The following SMARCA1 variants were observed in gnomAD, a reference collection of about 807,000 sequenced individuals.
SMARCA1 encodes SWI/SNF-related matrix-associated actin-dependent regulator of chromatin subfamily A member 1.
Under a neutral mutation model 93.6 loss-of-function variants are expected in SMARCA1, and 17 were observed. That is an observed-to-expected ratio of 0.18 (90% CI 0.12 to 0.27). SMARCA1 has a LOEUF of 0.27. SMARCA1 is among the 10% of genes least tolerant of loss of function. The probability of loss-of-function intolerance (pLI) is 1.00; values close to 1 mark genes in which losing one functional copy is unlikely to be tolerated. For missense variants in SMARCA1, 630 were observed against 819.0 expected, an observed-to-expected ratio of 0.77 and a Z score of 2.82; for synonymous variants, 271 against 271.4, an observed-to-expected ratio of 1.00 and a Z score of 0.01.
rs1321588128 is a variant in SMARCA1, at chrX:129,511,975, C to T, written c.639G>A (p.Gly213=). 8.4e-7 allele frequency: 1 copy of T among 1,192,972 alleles called. No homozygotes were observed. The highest frequency in any genetic ancestry group is 3.0e-5 in the East Asian group (1 of 33,426). The change falls in exon 6 of 25, where the codon GGG becomes GGA. Residue 213 remains glycine (G), a synonymous_variant. Coordinates refer to ENST00000371121, the MANE Select transcript of SMARCA1 (RefSeq NM_001282874.2). Reference sequence around the variant, plus strand: ...GCAAAGCAATTGTTTGTAAAGTTTTCCCAAGGCCCTGCATTATCATCACAA... The same window carrying T: ...GCAAAGCAATTGTTTGTAAAGTTTTTCCAAGGCCCTGCATTATCATCACAA... The part of the protein sequence containing the change: ...NGILADEMGL[G]KTLQTIALLG...
intron 23 of SMARCA1, among the ~76,000 whole-genome samples, chrX:129,450,900 T>C (rs1169980072): frequency 7.3e-5 from 8 of 109,859 alleles, no homozygotes; most frequent in Non-Finnish European, 1.9e-5. Flanking sequence ...CCAAATAAAA[T>C]CCAAAAAAAA....
chrX:129,470,470 T>G (rs1463532507), intron 20 of SMARCA1, among the ~76,000 whole-genome samples: 2 of 111,871 alleles, frequency 1.8e-5, no homozygotes, highest in East Asian at 5.5e-4. Context: ...TAAAAAGAAT[T>G]TTGAAAATTA....
chrX:129,503,065 GTCT>G (rs1190361446), intron 9 of SMARCA1, among the ~76,000 whole-genome samples: 2 of 111,891 alleles, frequency 1.8e-5, no homozygotes, highest in African/African-American at 6.5e-5. Flanking sequence ...CCTACCTAAT[GTCT>G]TCTTTTTTCT....
intron 17 of SMARCA1, 66 bp from the exon 18 acceptor site, chrX:129,481,251 A>G: frequency 3.0e-6 from 2 of 668,553 alleles, no homozygotes; most frequent in African/African-American, 4.3e-5. Context: ...AAAATCAAGT[A>G]CATCGAGGCT....
At chrX:129,518,103 C>T (rs1463944451) in intron 2 of SMARCA1, among the ~76,000 whole-genome samples, 1 of 111,268 alleles carries the variant, frequency 9.0e-6, no homozygotes, top group Admixed American at 9.5e-5. Context: ...ACAGAGAGCA[C>T]CGAACCAAAA....
At chrX:129,481,815 G>A (rs1933676341) in intron 17 of SMARCA1, among the ~76,000 whole-genome samples, 1 of 111,120 alleles carries the variant, frequency 9.0e-6, no homozygotes, top group African/African-American at 3.3e-5. Context: ...ATTTGACCCA[G>A]CCATCCCATT....
intron 17 of SMARCA1, among the ~76,000 whole-genome samples, chrX:129,481,844 G>A (rs935034859): frequency 9.0e-6 from 1 of 110,721 alleles, no homozygotes; most frequent in Non-Finnish European, 1.9e-5. Flanking sequence ...TATACCCAAA[G>A]GAATATAAAT....
chrX:129,522,325 A>G (rs1419554246), intron 1 of SMARCA1, among the ~76,000 whole-genome samples: 1 of 110,032 alleles, frequency 9.1e-6, no homozygotes, highest in Admixed American at 9.6e-5. Flanking sequence ...GGAGAAAAAA[A>G]AAAAAAACCT....
intron 12 of SMARCA1, 119 bp downstream of exon 12, chrX:129,496,631 T>A: frequency 9.3e-6 from 5 of 535,598 alleles, no homozygotes; most frequent in Non-Finnish European, 1.5e-5. Flanking sequence ...GAGATGCTAA[T>A]GAGAAATTCA....
chrX:129,509,520 A>C (rs1229647530), intron 6 of SMARCA1, among the ~76,000 whole-genome samples: 1 of 112,134 alleles, frequency 8.9e-6, no homozygotes, highest in Non-Finnish European at 1.9e-5. Flanking sequence ...CCTTATCCTT[A>C]TTTGATTTTG....
At chrX:129,453,511 G>C (rs756827281) in intron 23 of SMARCA1, among the ~76,000 whole-genome samples, 1 of 112,158 alleles carries the variant, frequency 8.9e-6, no homozygotes, top group Non-Finnish European at 1.9e-5. Context: ...CAAATTGTCT[G>C]TTTGCAGATG....
chrX:129,520,840 T>C (rs749862662), intron 1 of SMARCA1, among the ~76,000 whole-genome samples: 2 of 112,481 alleles, frequency 1.8e-5, no homozygotes, highest in African/African-American at 6.5e-5. Context: ...AAGTGATCGC[T>C]AACAGCCTGG....
chrX:129,467,588 T>C (rs1270883727), intron 21 of SMARCA1, among the ~76,000 whole-genome samples: 2 of 110,614 alleles, frequency 1.8e-5, no homozygotes, highest in Non-Finnish European at 3.8e-5. Flanking sequence ...TGTTATATTA[T>C]ATGTAATAAA....
chrX:129,474,210 T>C (rs6654241), intron 19 of SMARCA1, among the ~76,000 whole-genome samples: 2,047 of 111,995 alleles, frequency 0.018, 56 homozygotes, highest in African/African-American at 0.062. Context: ...TTAAAAATCC[T>C]TCATAATGTT....
intron 1 of SMARCA1, among the ~76,000 whole-genome samples, chrX:129,522,268 G>A (rs953199072): frequency 9.3e-6 from 1 of 107,664 alleles, no homozygotes; most frequent in Non-Finnish European, 1.9e-5. Context: ...GTTCCCTTAC[G>A]TTAGAAGCAG....
intron 5 of SMARCA1, 81 bp from the exon 6 acceptor site, chrX:129,512,064 G>T: frequency 2.6e-6 from 2 of 775,760 alleles, no homozygotes; most frequent in Non-Finnish European, 3.7e-6. Context: ...CATAACAAAA[G>T]ATCTTTGTCC....
At chrX:129,492,611 T>A (rs1218724572) in intron 13 of SMARCA1, among the ~76,000 whole-genome samples, 1 of 111,024 alleles carries the variant, frequency 9.0e-6, no homozygotes, top group East Asian at 2.8e-4. Flanking sequence ...AAGATTTCTA[T>A]CAGTATGGTA....
chrX:129,471,964 A>T (rs1313351148), intron 19 of SMARCA1, among the ~76,000 whole-genome samples: 1 of 112,307 alleles, frequency 8.9e-6, no homozygotes, highest in Non-Finnish European at 1.9e-5. Context: ...CAGAAATCAT[A>T]TATGGTGTTT....
At chrX:129,483,199 A>G (rs1023596574) in intron 17 of SMARCA1, among the ~76,000 whole-genome samples, 9 of 112,346 alleles carry the variant, frequency 8.0e-5, no homozygotes, top group Non-Finnish European at 5.6e-5. Flanking sequence ...CATGAATAAA[A>G]TAATCTCTTT....
Sources: allele counts gnomAD v4.1 joint callset (sites outside exome capture counted in the v4.1 genomes callset), GRCh38; gene constraint gnomAD v4.1.1; transcripts MANE v1.5; gene names NCBI Gene and HGNC (gene_info 2026-07-23, HGNC 2026-07-21).